CHLSN: variants seen among roughly 807,000 people sequenced by gnomAD.
CHLSN encodes cholesin.
the CHLSN span, among the ~76,000 whole-genome samples, chr7:1,071,112 G>A: frequency 9.2e-5 from 14 of 152,192 alleles, no homozygotes; most frequent in Admixed American, 9.2e-4. Flanking sequence ...CCATGGGGGG[G>A]CCATGAGACT....
At chr7:1,016,737 GC>G in the CHLSN span, among the ~76,000 whole-genome samples, 4 of 75,054 alleles carry the variant, frequency 5.3e-5, no homozygotes, top group East Asian at 3.6e-4. Flanking sequence ...AGCAGCACAC[GC>G]CAGCGCACAG....
the CHLSN span, among the ~76,000 whole-genome samples, chr7:1,124,312 G>A: frequency 1.3e-5 from 2 of 151,728 alleles, no homozygotes; most frequent in African/African-American, 4.8e-5. Flanking sequence ...GGCCTGTGTG[G>A]GGATCTGGCT....
the CHLSN span, among the ~76,000 whole-genome samples, chr7:992,413 G>A: frequency 2.6e-5 from 4 of 152,238 alleles, no homozygotes; most frequent in Non-Finnish European, 5.9e-5. Context: ...AGCTCGGAGG[G>A]TGAGGCCATC....
chr7:1,084,218 A>G, the CHLSN span, among the ~76,000 whole-genome samples: 2 of 152,186 alleles, frequency 1.3e-5, no homozygotes, highest in Admixed American at 1.3e-4. Flanking sequence ...ATGTCTCCTT[A>G]ATGCTCCAGG....
chr7:1,112,705 TA>T, the CHLSN span, among the ~76,000 whole-genome samples: 10,024 of 99,070 alleles, frequency 0.1, 895 homozygotes, highest in African/African-American at 0.28. Context: ...TCCAAATGGC[TA>T]AAAAAAAAAA....
chr7:1,123,213 T>A, the CHLSN span, among the ~76,000 whole-genome samples: 1 of 152,146 alleles, frequency 6.6e-6, no homozygotes, highest in Non-Finnish European at 1.5e-5. This position sits in a 1 kb window ranked among gnomAD's most constrained non-coding sequence, Gnocchi z 4.4. Flanking sequence ...CCCACAGGCC[T>A]GAGTGGGAAC....
chr7:1,127,049 G>A, the CHLSN span, among the ~76,000 whole-genome samples: 1 of 152,124 alleles, frequency 6.6e-6, no homozygotes, highest in Admixed American at 6.5e-5. Flanking sequence ...AGCTAAGAAA[G>A]GCAGTCATAG....
chr7:1,019,068 G>C, the CHLSN span, among the ~76,000 whole-genome samples: 5 of 152,020 alleles, frequency 3.3e-5, no homozygotes, highest in Admixed American at 1.3e-4. Flanking sequence ...GGTGGTGCAC[G>C]TCTGTAATCC....
chr7:1,133,409 A>AAAAAAAAAAAC, the CHLSN span, among the ~76,000 whole-genome samples: 20 of 149,538 alleles, frequency 1.3e-4, no homozygotes, highest in East Asian at 2.7e-3. Context: ...AAAAAAAAAA[A>AAAAAAAAAAAC]AAAACTATAA....
the CHLSN span, among the ~76,000 whole-genome samples, chr7:1,050,774 A>G: frequency 2.6e-5 from 4 of 152,198 alleles, no homozygotes; most frequent in Non-Finnish European, 5.9e-5. Context: ...AGTAGATGAC[A>G]CAGAGGCACA....
the CHLSN span, chr7:1,138,057 C>T: frequency 6.7e-6 from 1 of 150,062 alleles, no homozygotes; most frequent in African/African-American, 2.4e-5. Context: ...AGGGCCGCCG[C>T]CCGGTCGCGC....
chr7:1,100,591 A>C, the CHLSN span, among the ~76,000 whole-genome samples: 2 of 152,196 alleles, frequency 1.3e-5, no homozygotes, highest in Admixed American at 1.3e-4. Context: ...CCTTTGCTCC[A>C]GACATGACCA....
At chr7:1,045,327 T>C in the CHLSN span, 1 of 152,280 alleles carries the variant, frequency 6.6e-6, no homozygotes, top group Admixed American at 6.5e-5. Flanking sequence ...TCTGTATTCG[T>C]CGTCCACAGC....
chr7:1,092,196 C>T, the CHLSN span: 241 of 1,613,150 alleles, frequency 1.5e-4, no homozygotes, highest in Non-Finnish European at 1.8e-4. Context: ...TCGACCGCTA[C>T]ATCGCCCTGG....
chr7:1,112,922 A>G, the CHLSN span, among the ~76,000 whole-genome samples: 6 of 152,156 alleles, frequency 3.9e-5, no homozygotes, highest in Non-Finnish European at 5.9e-5. Flanking sequence ...GCTCAGGCAT[A>G]TTTACAGAGC....
chr7:1,041,975 C>G, the CHLSN span, among the ~76,000 whole-genome samples: 88 of 152,326 alleles, frequency 5.8e-4, 1 homozygote, highest in Admixed American at 5.4e-3. Flanking sequence ...AGGGGAAGGG[C>G]GGCCCCAACA....
At chr7:1,050,543 G>A in the CHLSN span, among the ~76,000 whole-genome samples, 2 of 152,198 alleles carry the variant, frequency 1.3e-5, no homozygotes, top group African/African-American at 2.4e-5. Context: ...TCCCAGCTCC[G>A]AGCGGATGCT....
chr7:1,018,041 A>G, the CHLSN span, among the ~76,000 whole-genome samples: 100 of 152,338 alleles, frequency 6.6e-4, no homozygotes, highest in African/African-American at 2.2e-3. Context: ...CACGGGGCTC[A>G]GACGTTCCCA....
At chr7:1,060,530 T>A in the CHLSN span, among the ~76,000 whole-genome samples, 1 of 152,002 alleles carries the variant, frequency 6.6e-6, no homozygotes, top group African/African-American at 2.4e-5. Context: ...GCCATCGACG[T>A]GGGGACGTCA....
Sources: allele counts gnomAD v4.1 joint callset (sites outside exome capture counted in the v4.1 genomes callset), GRCh38; gene constraint gnomAD v4.1.1; non-coding constraint Gnocchi (gnomAD v3.1); transcripts MANE v1.5; gene names NCBI Gene and HGNC (gene_info 2026-07-23, HGNC 2026-07-21).